The following PHF14 variants were observed in gnomAD, a reference collection of about 807,000 sequenced individuals.
PHF14 encodes PHD finger protein 14.
In PHF14, 55 loss-of-function variants were observed where a neutral mutation model predicts 117.9. The ratio of observed to expected loss-of-function variants is 0.47; its 90% CI spans 0.38 to 0.58. PHF14 has a LOEUF of 0.58. Among genes scored for constraint, PHF14 ranks in the 20% least tolerant of loss-of-function variants. The pLI, the probability that PHF14 is intolerant of heterozygous loss-of-function variation, is 0.00. For missense variants in PHF14, 978 were observed against 1,122.2 expected (o/e 0.87, Z 1.84); for synonymous variants, 409 against 368.6 (o/e 1.11, Z -1.26).
At chr7:11,151,079 A>G (rs1788689387) in intron 17 of PHF14, among the ~76,000 whole-genome samples, 1 of 152,182 alleles carries the variant, frequency 6.6e-6, no homozygotes, top group Admixed American at 6.5e-5. Context: ...AGACAAAAAA[A>G]CCTGTCATAA....
At chr7:11,139,407 A>T (rs1482383892) in intron 17 of PHF14, among the ~76,000 whole-genome samples, 2 of 152,176 alleles carry the variant, frequency 1.3e-5, no homozygotes, top group African/African-American at 4.8e-5. Context: ...ATATAAGAAG[A>T]TTAATTTTAC....
At chr7:11,054,627 G>A (rs1439229010) in intron 14 of PHF14, among the ~76,000 whole-genome samples, 4 of 152,046 alleles carry the variant, frequency 2.6e-5, no homozygotes, top group African/African-American at 9.7e-5. Flanking sequence ...AAAATGAGGT[G>A]TTCTAATTGT....
rs577341104 is a variant in PHF14 at position 10,994,209 on chromosome 7, C to T, written c.1045+3362C>T. Among the ~76,000 whole-genome samples, 10 of 152,198 alleles carry T rather than the reference C, an allele frequency of 6.6e-5. No individual in the cohort carries two copies. In the South Asian group the frequency reaches 1.9e-3, roughly 28 times the overall value. On this transcript the variant is annotated intron_variant, in intron 4 of 17. Coordinates refer to ENST00000634607, the MANE Select transcript of PHF14 (RefSeq NM_001007157.2). The stretch of plus-strand genomic sequence containing the variant: ...ATCCCAGCACTTTGGGAGGCCGAGG[C>T]AGTGAATCACTTGAGGTCAGAAGTT...
rs549034674 is a variant in PHF14 at position 11,085,892 on chromosome 7, A to T, written c.2654+23807A>T. 1.7e-3 allele frequency among the ~76,000 whole-genome samples: 248 copies of T among 145,334 alleles called. 1 individual carries two copies. Among genetic ancestry groups the T allele is most frequent in the Non-Finnish European group, 2.3e-3 (156 of 66,978 alleles). ...TATCAGTAGCAAAACATAATAGTTT[A>T]AAAAAAAAACTGTGGTTAAATGCTT... On this transcript the variant is annotated intron_variant, in intron 16 of 17. Transcript: ENST00000634607.
At chr7:11,160,304 T>C (rs1788986319) in intron 17 of PHF14, among the ~76,000 whole-genome samples, 1 of 152,220 alleles carries the variant, frequency 6.6e-6, no homozygotes, top group South Asian at 2.1e-4. Flanking sequence ...CAGTCCACCA[T>C]TAATGGGCAC....
intron 17 of PHF14, among the ~76,000 whole-genome samples, chr7:11,119,310 C>T (rs761308186): frequency 2.0e-4 from 30 of 151,762 alleles, no homozygotes; most frequent in African/African-American, 5.3e-4. Context: ...CATTTTATTA[C>T]GGCTTTACAA....
At chr7:10,991,924 T>G (rs1406118450) in intron 4 of PHF14, among the ~76,000 whole-genome samples, 1 of 151,216 alleles carries the variant, frequency 6.6e-6, no homozygotes. Context: ...TTTTTTAATT[T>G]TAAATTTTTA....
At chr7:11,141,984 T>C (rs1358045981) in intron 17 of PHF14, among the ~76,000 whole-genome samples, 1 of 152,018 alleles carries the variant, frequency 6.6e-6, no homozygotes, top group Non-Finnish European at 1.5e-5. Flanking sequence ...AATGGCCATA[T>C]TTTGAATATC....
At chr7:11,165,356 A>G (rs1185000292) in intron 17 of PHF14, among the ~76,000 whole-genome samples, 1 of 152,144 alleles carries the variant, frequency 6.6e-6, no homozygotes, top group African/African-American at 2.4e-5. Flanking sequence ...TTTTTAATAC[A>G]TCGTATCAGG....
intron 4 of PHF14, among the ~76,000 whole-genome samples, chr7:11,011,321 T>TCA (rs1450073122): frequency 6.6e-6 from 1 of 152,224 alleles, no homozygotes; most frequent in African/African-American, 2.4e-5. Flanking sequence ...TTGTGAGAGG[T>TCA]CACGCTCCAA....
chr7:11,129,496 C>T (rs1173918588), intron 17 of PHF14, among the ~76,000 whole-genome samples: 1 of 149,192 alleles, frequency 6.7e-6, no homozygotes, highest in African/African-American at 2.5e-5. Context: ...CTGGCATTGT[C>T]TAAGGGTATA....
At chr7:11,016,557 G>A (rs12670220) in intron 5 of PHF14, among the ~76,000 whole-genome samples, 3,985 of 151,878 alleles carry the variant, frequency 0.026, 137 homozygotes, top group East Asian at 0.1. Context: ...CTGACTGTGG[G>A]AAATTTTTTG....
At chr7:11,140,113 C>T (rs1183461643) in intron 17 of PHF14, among the ~76,000 whole-genome samples, 4 of 152,036 alleles carry the variant, frequency 2.6e-5, no homozygotes, top group Non-Finnish European at 4.4e-5. Context: ...TACATGACTA[C>T]ACATCCTTCT....
At chr7:11,118,264 T>G (rs1787655083) in intron 17 of PHF14, among the ~76,000 whole-genome samples, 4 of 151,890 alleles carry the variant, frequency 2.6e-5, no homozygotes. Context: ...ATGGTTTTAG[T>G]TTTGTATTAA....
intron 17 of PHF14, among the ~76,000 whole-genome samples, chr7:11,154,460 A>G (rs1788787178): frequency 6.6e-6 from 1 of 152,196 alleles, no homozygotes; most frequent in Non-Finnish European, 1.5e-5. Context: ...TTAAGCAACT[A>G]TATGCCTAAA....
chr7:11,013,204 C>G (rs559102164), intron 4 of PHF14, among the ~76,000 whole-genome samples: 1 of 152,078 alleles, frequency 6.6e-6, no homozygotes, highest in Non-Finnish European at 1.5e-5. Context: ...TCTTGGCACC[C>G]AGGCTGGAGT....
chr7:11,165,123 C>G (rs1269895480), intron 17 of PHF14, among the ~76,000 whole-genome samples: 2 of 152,168 alleles, frequency 1.3e-5, no homozygotes, highest in Non-Finnish European at 2.9e-5. Context: ...CGGGGTTTCA[C>G]CATGTTGGCC....
intron 16 of PHF14, among the ~76,000 whole-genome samples, chr7:11,067,691 A>G (rs367672289): frequency 6.6e-6 from 1 of 152,320 alleles, no homozygotes; most frequent in Middle Eastern, 3.4e-3. Context: ...TATTTGGCTC[A>G]CAATTCTCAT....
intron 17 of PHF14, among the ~76,000 whole-genome samples, chr7:11,168,804 T>G (rs1326733529): frequency 6.6e-6 from 1 of 152,164 alleles, no homozygotes; most frequent in Admixed American, 6.6e-5. Flanking sequence ...GAACACAAGA[T>G]GCACTTCATT....
Sources: allele counts gnomAD v4.1 joint callset (sites outside exome capture counted in the v4.1 genomes callset), GRCh38; gene constraint gnomAD v4.1.1; transcripts MANE v1.5; gene names NCBI Gene and HGNC (gene_info 2026-07-23, HGNC 2026-07-21).